The following TTC3 variants were observed in gnomAD, a reference collection of about 807,000 sequenced individuals.
TTC3 encodes the protein tetratricopeptide repeat domain 3.
In TTC3, 180 loss-of-function variants were observed where a neutral mutation model predicts 249.6. The ratio of observed to expected loss-of-function variants is 0.72; its 90% confidence interval spans 0.64 to 0.82. TTC3 has a LOEUF of 0.82. Among genes scored for constraint, TTC3 ranks in the 40% least tolerant of loss-of-function variants. The pLI, the probability that TTC3 is intolerant of heterozygous loss-of-function variation, is 0.00. For missense variants in TTC3, 2,061 were observed against 2,398.4 expected (o/e 0.86, Z 2.94); for synonymous variants, 717 against 805.0 (o/e 0.89, Z 1.85).
rs546544763 is a variant in TTC3, at chr21:37,090,772, A to T, written c.480+486A>T. Among the ~76,000 whole-genome samples, 37 of 152,306 alleles carry T rather than the reference A, an allele frequency of 2.4e-4. 1 individual carries two copies. The South Asian group carries it at 7.7e-3, about 32-fold the overall frequency. On this transcript the variant is annotated intron_variant, in intron 6 of 45. Coordinates refer to ENST00000355666, the Ensembl canonical transcript of TTC3. Reference sequence around the variant, plus strand: ...CATTTCTGTGAATTCTTGATCCTTCATGGAGATCACTGCACTGAGTGCCCA... The same window carrying T: ...CATTTCTGTGAATTCTTGATCCTTCTTGGAGATCACTGCACTGAGTGCCCA...
intron 11 of TTC3, among the ~76,000 whole-genome samples, chr21:37,118,683 A>C (rs1228292916): frequency 6.6e-6 from 1 of 152,088 alleles, no homozygotes; most frequent in Non-Finnish European, 1.5e-5. Context: ...AGATTTGTAC[A>C]CATCTTTCTT....
chr21:37,114,376 A>G (rs1601536496), intron 11 of TTC3, among the ~76,000 whole-genome samples: 2 of 152,254 alleles, frequency 1.3e-5, no homozygotes, highest in Admixed American at 1.3e-4. Context: ...TGGGCGAAGG[A>G]TATGAACAGA....
intron 5 of TTC3, 44 bp downstream of exon 5, chr21:37,088,930 A>C: frequency 6.5e-7 from 1 of 1,548,602 alleles, no homozygotes. Context: ...TGGTTTAAAT[A>C]ATATAAGCAT....
chr21:37,119,485 C>G (rs1368457666), intron 11 of TTC3, among the ~76,000 whole-genome samples: 1 of 152,134 alleles, frequency 6.6e-6, no homozygotes, highest in African/African-American at 2.4e-5. Flanking sequence ...GCTGAAGACT[C>G]AAGGGGTCCC....
chr21:37,161,976 G>T lies in TTC3; in HGVS notation c.3097-14G>T. 2.6e-6 allele frequency: 4 copies of T among 1,523,600 alleles called. No individual in the cohort carries two copies. The highest frequency in any genetic ancestry group is 2.3e-5 in the East Asian group (1 of 43,874). 94.4% of individuals were successfully genotyped at this position (1,523,600 alleles called of 1,614,324 possible). Reference sequence around the variant, plus strand: ...GGTAGAAAATCATTGTCATTTTTCTGTCTTTTAAACCAGCCTATGTTAGTT... The same window carrying T: ...GGTAGAAAATCATTGTCATTTTTCTTTCTTTTAAACCAGCCTATGTTAGTT... On this transcript the variant is annotated splice_polypyrimidine_tract_variant and intron_variant, in intron 30 of 45. Transcript: ENST00000355666.
Position 37,137,189 on chromosome 21 carries a change from G to A in TTC3, c.1579-1445G>A, listed in dbSNP as rs138533728. On this transcript the variant is annotated intron_variant, in intron 18 of 45. Coordinates refer to ENST00000355666, the Ensembl canonical transcript of TTC3. ...TGCCTGGTAACACAATATCCATTCT[G>A]TAGCCTATGGATCAAGGAGTCATTT... Among the ~76,000 whole-genome samples, 732 of 152,302 alleles carry A rather than the reference G, an allele frequency of 4.8e-3. 5 individuals are homozygous for A. The highest frequency in any genetic ancestry group is 0.011 in the Admixed American group (172 of 15,306).
intron 7 of TTC3, among the ~76,000 whole-genome samples, chr21:37,092,046 GAAGCT>G (rs1172259730): frequency 6.6e-6 from 1 of 152,208 alleles, no homozygotes. Context: ...AAAAGTCACT[GAAGCT>G]AAGCTTATGA....
intron 11 of TTC3, among the ~76,000 whole-genome samples, chr21:37,117,847 A>AAAAAAAG (rs1401331801): frequency 2.6e-5 from 4 of 151,086 alleles, no homozygotes; most frequent in Admixed American, 2.0e-4. Flanking sequence ...AAAAAAAAAA[A>AAAAAAAG]AAAAAAGAAA....
intron 7 of TTC3, among the ~76,000 whole-genome samples, chr21:37,092,800 TAAATTTTTTTTTGCCAC>T (rs2073441610): frequency 6.6e-6 from 1 of 152,192 alleles, no homozygotes; most frequent in Non-Finnish European, 1.5e-5. Context: ...TTTGTTGCAA[TAAATTTTTTTTTGCCAC>T]TTTAAAATAT....
chr21:37,135,511 A>T, exon 18 of TTC3: 1 of 1,611,812 alleles, frequency 6.2e-7, no homozygotes, highest in Non-Finnish European at 8.5e-7. Flanking sequence ...CTCAAAAAAT[A>T]AAGGTAAATT....
chr21:37,182,741 C>G, intron 35 of TTC3, 33 bp from the exon 36 acceptor site: 1 of 1,533,604 alleles, frequency 6.5e-7, no homozygotes, highest in South Asian at 1.2e-5. Flanking sequence ...GTATATTTTG[C>G]CATTTATTTA....
At chr21:37,122,098 A>G in intron 12 of TTC3, 119 bp downstream of exon 12, 1 of 957,078 alleles carries the variant, frequency 1.0e-6, no homozygotes, top group Non-Finnish European at 1.5e-6. Flanking sequence ...TCCTTATTTT[A>G]TCATGTTATC....
At chr21:37,157,120 G>A (rs1400372903) in intron 28 of TTC3, 10 of 1,421,768 alleles carry the variant, frequency 7.0e-6, no homozygotes, top group Admixed American at 2.1e-5. Flanking sequence ...TCAAATGTAG[G>A]TATGTTATGC....
At chr21:37,111,086 G>GC (rs1304706288) in intron 11 of TTC3, among the ~76,000 whole-genome samples, 1 of 152,132 alleles carries the variant, frequency 6.6e-6, no homozygotes, top group Non-Finnish European at 1.5e-5. Context: ...ACCGGTACCA[G>GC]CCACTGCAAA....
At chr21:37,083,478 AGGCAGTGGCACTG>A (rs1765565253) in intron 1 of TTC3, 1 of 856,860 alleles carries the variant, frequency 1.2e-6, no homozygotes, top group East Asian at 1.2e-4. Flanking sequence ...GAAACAGTGA[AGGCAGTGGCACTG>A]GGCATGAAGA....
chr21:37,073,797 C>G (rs2070390337), intron 1 of TTC3, among the ~76,000 whole-genome samples: 1 of 152,176 alleles, frequency 6.6e-6, no homozygotes, highest in Non-Finnish European at 1.5e-5. Context: ...CGTGGGCGCT[C>G]TCGGCCTTGC....
intron 34 of TTC3, 132 bp from the exon 35 acceptor site, chr21:37,172,463 T>C: frequency 1.0e-6 from 1 of 998,820 alleles, no homozygotes; most frequent in South Asian, 1.9e-5. Context: ...CCTGAATGAT[T>C]GTGACATTTC....
At chr21:37,159,246 A>T (rs1793881) in intron 28 of TTC3, among the ~76,000 whole-genome samples, 152,252 of 152,252 alleles carry the variant, frequency 1, 76,126 homozygotes, top group Non-Finnish European at 1. Context: ...TGTCCCCTCT[A>T]CCTCAGAGCT....
chr21:37,188,304 T>C (rs138472975), intron 38 of TTC3, 191 bp from the exon 39 acceptor site: 48 of 505,910 alleles, frequency 9.5e-5, no homozygotes, highest in African/African-American at 8.1e-4. Context: ...ATTTGTGATG[T>C]CATTTTGTTC....
Sources: gnomAD v4.1 joint callset for allele counts (sites outside exome capture counted in the v4.1 genomes callset) on GRCh38, gnomAD v4.1.1 for gene constraint, MANE v1.5 for transcripts, NCBI Gene and HGNC (gene_info 2026-07-23, HGNC 2026-07-21) for gene names.